The following UBAP2 variants were observed in gnomAD, a reference collection of about 807,000 sequenced individuals.
UBAP2 encodes the protein ubiquitin-associated protein 2.
UBAP2 carries 75 observed loss-of-function variants against 139.6 expected under a neutral mutation model. That is an observed-to-expected ratio of 0.54 (90% CI 0.45 to 0.65). UBAP2 has a LOEUF of 0.65. Among genes scored for constraint, UBAP2 ranks in the 30% least tolerant of loss-of-function variants. UBAP2 has a pLI of 0.00. For synonymous variants in UBAP2, 526 were observed against 526.2 expected, an observed-to-expected ratio of 1.00 and a Z score of 0.01; for missense variants, 1,368 against 1,369.6, an observed-to-expected ratio of 1.00 and a Z score of 0.02.
chr9:33,981,605 C>T (rs570958778), intron 6 of UBAP2, among the ~76,000 whole-genome samples: 23 of 151,874 alleles, frequency 1.5e-4, no homozygotes, highest in East Asian at 7.8e-4. Flanking sequence ...CCTCTCACCT[C>T]AGCCTCCCAA....
intron 22 of UBAP2, 85 bp downstream of exon 22, chr9:33,926,530 CAG>C: frequency 1.4e-6 from 2 of 1,467,726 alleles, no homozygotes; most frequent in South Asian, 2.3e-5. Context: ...TCCTAAGGGC[CAG>C]AGAGTGTGGC....
intron 2 of UBAP2, among the ~76,000 whole-genome samples, chr9:34,001,457 T>C (rs932969): frequency 0.13 from 20,002 of 152,216 alleles, 1,569 homozygotes; most frequent in South Asian, 0.33. Flanking sequence ...TTGGTAAAAC[T>C]AGACTTAGAG....
intron 3 of UBAP2, 48 bp from the exon 4 acceptor site, chr9:33,996,381 C>T: frequency 7.9e-7 from 1 of 1,259,122 alleles, no homozygotes; most frequent in African/African-American, 1.5e-5. Flanking sequence ...AAAACTGGCA[C>T]TTGATATTAA....
chr9:33,973,219 C>T lies in UBAP2; in HGVS notation c.539G>A (p.Gly180Glu). 6.2e-7 allele frequency: 1 copy of T among 1,613,964 alleles called. No individual in the cohort carries two copies. The highest frequency in any genetic ancestry group is 8.5e-7 in the Non-Finnish European group (1 of 1,179,944). The change falls in exon 7 of 29, where the codon GGG (glycine) becomes GAG (glutamate). Residue 180 changes from glycine (G) to glutamate (E), a missense_variant. By Grantham distance (98) the Gly-to-Glu change is moderately conservative. Coordinates refer to ENST00000379238, the MANE Select transcript of UBAP2 (RefSeq NM_001370062.2). Reference sequence around the variant, plus strand: ...GGTTGAGAACCTTCCTGCCCCTCTCCCTCTGCCACGTCCAAATCCTTTAAA... The same window carrying T: ...GGTTGAGAACCTTCCTGCCCCTCTCTCTCTGCCACGTCCAAATCCTTTAAA... Reference protein sequence around the residue: ...ARGRGFGRGRGRGAGRFSTQG... With the variant: ...ARGRGFGRGRERGAGRFSTQG...
At chr9:34,026,487 T>C (rs10123880) in intron 1 of UBAP2, among the ~76,000 whole-genome samples, 19,335 of 152,184 alleles carry the variant, frequency 0.13, 1,565 homozygotes, top group African/African-American at 0.22. Context: ...TCATCAAGAA[T>C]GTCCAGAGAT....
intron 6 of UBAP2, among the ~76,000 whole-genome samples, chr9:33,986,295 A>G (rs1305787182): frequency 6.6e-6 from 1 of 152,088 alleles, no homozygotes; most frequent in East Asian, 1.9e-4. Flanking sequence ...AATAAGTTCT[A>G]ATGTTCAACA....
rs752822424 is a variant in UBAP2, at chr9:33,953,273, A to C, written c.1056+12T>G. On this transcript the variant is annotated intron_variant, in intron 12 of 28. Transcript: ENST00000379238. ...TTTCTTAAAATCCCACACTGAAATA[A>C]AAGTGAGTTACCAGGCTCTGAGGAG... 6.2e-7 allele frequency: 1 copy of C among 1,606,918 alleles called. No individual in the cohort carries two copies. Among genetic ancestry groups the C allele is most frequent in the African/African-American group, 1.3e-5 (1 of 74,628 alleles).
rs1162159967 is a variant in UBAP2, at chr9:33,963,798, A to G, written c.680-7T>C. 2 of 1,607,584 alleles carry G rather than the reference A, an allele frequency of 1.2e-6. No individual in the cohort carries two copies. Among genetic ancestry groups the G allele is most frequent in the Middle Eastern group, 1.7e-4 (1 of 6,046 alleles). ...TGAGTATTTGATGCCAGTTCTGTGG[A>G]CCAATGTAAAATTGAGGGTTTAAAC... is the stretch of plus-strand genomic sequence containing the variant. On this transcript the variant is annotated splice_region_variant and splice_polypyrimidine_tract_variant and intron_variant, in intron 8 of 28. Coordinates refer to ENST00000379238, the MANE Select transcript of UBAP2 (RefSeq NM_001370062.2).
At chr9:33,986,190 C>A (rs949437967) in intron 6 of UBAP2, among the ~76,000 whole-genome samples, 1 of 151,926 alleles carries the variant, frequency 6.6e-6, no homozygotes, top group Non-Finnish European at 1.5e-5. Flanking sequence ...GTAGCTGGGA[C>A]TACAGGTGCG....
intron 3 of UBAP2, chr9:33,997,646 A>G (rs1215911108): frequency 6.6e-6 from 1 of 152,220 alleles, no homozygotes; most frequent in African/African-American, 2.4e-5. Context: ...CCTGCAACAT[A>G]CAATTTTTAA....
At chr9:33,960,789 A>C (rs746511180) in intron 10 of UBAP2, 37 bp downstream of exon 10, 1 of 1,589,184 alleles carries the variant, frequency 6.3e-7, no homozygotes, top group Non-Finnish European at 8.5e-7. Context: ...TCAAAAAAAA[A>C]AAAAAAGAAA....
At chr9:33,961,069 C>A (rs1334684625) in intron 9 of UBAP2, among the ~76,000 whole-genome samples, 191 bp from the exon 10 acceptor site, 1 of 152,124 alleles carries the variant, frequency 6.6e-6, no homozygotes. Context: ...CTTTTCTCCC[C>A]TTCTCTTTGA....
rs1826214472 is a variant in UBAP2, at chr9:33,952,813, T to G, written c.1056+472A>C. On this transcript the variant is annotated intron_variant, in intron 12 of 28. Transcript: ENST00000379238. The stretch of plus-strand genomic sequence containing the variant: ...TTAAATTCCACATGGAATCATCAGA[T>G]ATGTGCTTGGAAATTACCACATCAT... 5 of 154,794 alleles carry G rather than the reference T, an allele frequency of 3.2e-5. No individual in the cohort carries two copies. In the Admixed American group the frequency reaches 3.3e-4, roughly 10 times the overall value. 9.6% of individuals were successfully genotyped at this position (154,794 alleles called of 1,614,324 possible).
chr9:33,935,284 AT>A (rs1249280060), intron 17 of UBAP2: 5 of 152,162 alleles, frequency 3.3e-5, no homozygotes, highest in African/African-American at 1.2e-4. Flanking sequence ...AGAATAGTAA[AT>A]TTTTGATTTA....
At chr9:34,004,364 G>C (rs13292428) in intron 2 of UBAP2, among the ~76,000 whole-genome samples, 6 of 152,052 alleles carry the variant, frequency 3.9e-5, no homozygotes, top group African/African-American at 1.4e-4. Flanking sequence ...AAGTGCTGTA[G>C]TCCCAGCTAC....
intron 19 of UBAP2, 41 bp downstream of exon 19, chr9:33,932,521 C>T (rs1278713222): frequency 6.2e-7 from 1 of 1,610,092 alleles, no homozygotes; most frequent in African/African-American, 1.3e-5. Context: ...TCCAGGCTCC[C>T]CAAGCATGGC....
chr9:33,922,212 G>T lies in UBAP2; in HGVS notation c.*292C>A. On this transcript the variant is annotated 3_prime_UTR_variant, in exon 29 of 29. Transcript: ENST00000379238. ...CTGTGAAGAAGACCTGAAGGCAGAT[G>T]GGGTGGGGGTGCTTATTTTGCTACA... is the stretch of plus-strand genomic sequence containing the variant. 1 of 406,636 alleles carries T rather than the reference G, an allele frequency of 2.5e-6. No homozygotes were observed. The highest frequency in any genetic ancestry group is 4.6e-6 in the Non-Finnish European group (1 of 219,544). 25.2% of individuals were successfully genotyped at this position (406,636 alleles called of 1,614,324 possible).
At chr9:33,982,603 T>C (rs1031845599) in intron 6 of UBAP2, among the ~76,000 whole-genome samples, 1 of 152,112 alleles carries the variant, frequency 6.6e-6, no homozygotes, top group African/African-American at 2.4e-5. Flanking sequence ...GAGAAAATTA[T>C]ATGAACAGCC....
intron 6 of UBAP2, among the ~76,000 whole-genome samples, chr9:33,974,126 G>A (rs1275941625): frequency 2.0e-5 from 3 of 152,150 alleles, no homozygotes; most frequent in African/African-American, 7.2e-5. Context: ...GGAGTTGGAG[G>A]TTGCAGTGAG....
Sources: gnomAD v4.1 joint callset for allele counts (sites outside exome capture counted in the v4.1 genomes callset) on GRCh38, gnomAD v4.1.1 for gene constraint, MANE v1.5 for transcripts, NCBI Gene and HGNC (gene_info 2026-07-23, HGNC 2026-07-21) for gene names.